Variants in KIF1B observed in about 807,000 individuals in gnomAD.
KIF1B encodes the protein kinesin-like protein KIF1B.
KIF1B carries 76 observed loss-of-function variants against 241.9 expected under a neutral mutation model. That is an observed-to-expected ratio of 0.31 (90% CI 0.26 to 0.38). The LOEUF is 0.38. Among genes scored for constraint, KIF1B ranks in the 10% least tolerant of loss-of-function variants. The probability of loss-of-function intolerance (pLI) is 1.00; values close to 1 mark genes in which losing one functional copy is unlikely to be tolerated. For missense variants in KIF1B, 1,622 were observed against 2,271.4 expected (o/e 0.71, Z 5.81); for synonymous variants, 750 against 796.7 (o/e 0.94, Z 0.99).
At chr1:10,319,274 G>A (rs547306380) in intron 22 of KIF1B, among the ~76,000 whole-genome samples, 1 of 152,072 alleles carries the variant, frequency 6.6e-6, no homozygotes, top group Admixed American at 6.5e-5. Context: ...GCTAATTTTT[G>A]TATTTTTAGT....
At chr1:10,291,056 C>G (rs1557692001) in intron 15 of KIF1B, 26 bp from the exon 16 acceptor site, 3 of 1,589,598 alleles carry the variant, frequency 1.9e-6, no homozygotes, top group Middle Eastern at 3.3e-4. Flanking sequence ...CTCTTTGCCT[C>G]TTTAACTGTG....
rs943896795 is a variant in KIF1B at position 10,210,622 on chromosome 1, C to G, written c.-336C>G. On this transcript the variant is annotated 5_prime_UTR_variant, in exon 1 of 49. Coordinates refer to ENST00000676179, the MANE Select transcript of KIF1B (RefSeq NM_001365951.3). This position sits in a 1 kb window ranked among gnomAD's most constrained non-coding sequence, Gnocchi z 4.1. Reference sequence around the variant, plus strand: ...GCCCGCGCGCGTCGGAGCAGCTCCCCGTCCTCCGCAGCCGTCACCGCCGGC... The same window carrying G: ...GCCCGCGCGCGTCGGAGCAGCTCCCGGTCCTCCGCAGCCGTCACCGCCGGC... Among the ~76,000 whole-genome samples the G allele has an allele frequency of 4.0e-5, 6 of 151,608 alleles. No individual in the cohort carries two copies. The highest frequency in any genetic ancestry group is 8.8e-5 in the Non-Finnish European group (6 of 67,810).
chr1:10,339,622 A>G, intron 31 of KIF1B, 147 bp from the exon 32 acceptor site: 1 of 717,422 alleles, frequency 1.4e-6, no homozygotes, highest in Non-Finnish European at 2.4e-6. Context: ...AATATGGAAA[A>G]GGTTCTTGAC....
rs1335290064 is a variant in KIF1B, at chr1:10,282,551, C to G, written c.1434+18C>G. The stretch of plus-strand genomic sequence containing the variant: ...GTTTAAAGGTAAGTAATAGTTCAGA[C>G]TGAATACAAGGTATTCTATGTAGCT... On this transcript the variant is annotated intron_variant, in intron 15 of 48. Coordinates refer to ENST00000676179, the MANE Select transcript of KIF1B (RefSeq NM_001365951.3). The G allele has an allele frequency of 6.3e-7, 1 of 1,590,132 alleles. No individual in the cohort carries two copies. Among genetic ancestry groups the G allele is most frequent in the Non-Finnish European group, 8.6e-7 (1 of 1,158,192 alleles).
chr1:10,270,462 A>G (rs1198518515), intron 7 of KIF1B, among the ~76,000 whole-genome samples: 1 of 152,216 alleles, frequency 6.6e-6, no homozygotes, highest in Non-Finnish European at 1.5e-5. Context: ...CAGATACACC[A>G]CAGTTTATTA....
At chr1:10,357,940 C>T (rs1461186637) in intron 38 of KIF1B, among the ~76,000 whole-genome samples, 24 of 150,636 alleles carry the variant, frequency 1.6e-4, no homozygotes, top group Non-Finnish European at 3.1e-4. Flanking sequence ...ACCCGGGAGG[C>T]GGAGGTTGCA....
chr1:10,306,215 G>A lies in KIF1B; in HGVS notation c.2115+8969G>A, dbSNP rs183427180. On this transcript the variant is annotated intron_variant, in intron 22 of 48. Coordinates refer to ENST00000676179, the MANE Select transcript of KIF1B (RefSeq NM_001365951.3). Reference sequence around the variant, plus strand: ...TATTTTTGCTTTCATAGCTAGAACAGTTGAAGTCTTCAACTGAGGTTTTAT... The same window carrying A: ...TATTTTTGCTTTCATAGCTAGAACAATTGAAGTCTTCAACTGAGGTTTTAT... 1.2e-5 allele frequency: 12 copies of A among 1,040,852 alleles called. No homozygotes were observed. The Admixed American group carries it at 4.5e-4, about 39-fold the overall frequency. The allele number at this position is 1,040,852 out of a possible 1,614,324, so 64.5% of individuals were successfully genotyped here. A position where few individuals can be genotyped will look rare whatever the true frequency, so the allele number is the denominator to read the frequency against.
chr1:10,268,485 A>G (rs992026460), intron 7 of KIF1B, among the ~76,000 whole-genome samples: 9 of 152,236 alleles, frequency 5.9e-5, no homozygotes, highest in African/African-American at 2.2e-4. Flanking sequence ...AGGGTTAAGA[A>G]AAAAACAATC....
intron 31 of KIF1B, among the ~76,000 whole-genome samples, chr1:10,338,059 T>A (rs1652248164): frequency 6.6e-6 from 1 of 152,194 alleles, no homozygotes. Context: ...TCTCAAACCC[T>A]GTGCTCTGGA....
intron 4 of KIF1B, among the ~76,000 whole-genome samples, chr1:10,259,806 A>AT (rs901498798): frequency 4.7e-5 from 7 of 148,624 alleles, no homozygotes; most frequent in East Asian, 3.9e-4. Context: ...GGCCTTTAAA[A>AT]TTTTTTTTTT....
chr1:10,311,515 AT>A (rs1002126861), intron 22 of KIF1B, among the ~76,000 whole-genome samples: 1 of 150,664 alleles, frequency 6.6e-6, no homozygotes, highest in Admixed American at 6.6e-5. Context: ...TCCAGGCCCC[AT>A]TTTTTCTTTT....
chr1:10,278,377 T>A (rs1222830513), intron 13 of KIF1B, among the ~76,000 whole-genome samples: 1 of 152,208 alleles, frequency 6.6e-6, no homozygotes, highest in South Asian at 2.1e-4. Flanking sequence ...ATCGCAAATA[T>A]GTCACTAGTA....
Position 10,256,194 on chromosome 1 carries a change from C to T in KIF1B, c.107-53C>T, listed in dbSNP as rs572002412. The T allele has an allele frequency of 2.2e-5, 24 of 1,108,322 alleles. 1 individual carries two copies. The South Asian group carries it at 2.2e-4, about 10-fold the overall frequency. The allele number at this position is 1,108,322 out of a possible 1,614,324, so 68.7% of individuals were successfully genotyped here. A position where few individuals can be genotyped will look rare whatever the true frequency, so the allele number is the denominator to read the frequency against. ...TGAACACACAGAATAACATGTTTAACTAAAGAACTTGTAATTGAGTGACTT... is the reference window on the plus strand; with the variant it reads ...TGAACACACAGAATAACATGTTTAATTAAAGAACTTGTAATTGAGTGACTT... On this transcript the variant is annotated intron_variant, in intron 2 of 48. Coordinates refer to ENST00000676179, the MANE Select transcript of KIF1B (RefSeq NM_001365951.3).
At chr1:10,229,867 CA>C (rs58923572) in intron 1 of KIF1B, among the ~76,000 whole-genome samples, 1,160 of 56,390 alleles carry the variant, frequency 0.021, 1 homozygote, top group African/African-American at 0.099. Flanking sequence ...GACTCCGTCT[CA>C]AAAAAAAAAA....
intron 41 of KIF1B, among the ~76,000 whole-genome samples, chr1:10,364,726 G>T (rs1339350409): frequency 1.3e-5 from 2 of 151,980 alleles, no homozygotes; most frequent in Non-Finnish European, 2.9e-5. Flanking sequence ...TTAATTCGTG[G>T]CCAGGCGCGG....
chr1:10,275,641 A>G (rs1649059091), intron 11 of KIF1B, 138 bp downstream of exon 11: 2 of 716,460 alleles, frequency 2.8e-6, no homozygotes, highest in Non-Finnish European at 2.5e-6. Flanking sequence ...GCCTGCTTTC[A>G]TTTTTACTCC....
intron 14 of KIF1B, among the ~76,000 whole-genome samples, chr1:10,279,926 C>A (rs1359516952): frequency 6.6e-6 from 1 of 152,000 alleles, no homozygotes; most frequent in Non-Finnish European, 1.5e-5. Flanking sequence ...TGGTCTGGAA[C>A]CCCTGACCTC....
chr1:10,324,681 A>G, intron 25 of KIF1B, 77 bp from the exon 26 acceptor site: 4 of 1,528,290 alleles, frequency 2.6e-6, no homozygotes, highest in Non-Finnish European at 3.6e-6. Context: ...AAAATCTTGA[A>G]CGGAAGATGC....
intron 22 of KIF1B, among the ~76,000 whole-genome samples, chr1:10,312,401 A>C (rs978497245): frequency 6.6e-6 from 1 of 151,334 alleles, no homozygotes; most frequent in African/African-American, 2.5e-5. Flanking sequence ...CATTCTTCTT[A>C]TTTCCATAGT....
Sources: gnomAD v4.1 joint callset for allele counts (sites outside exome capture counted in the v4.1 genomes callset) on GRCh38, gnomAD v4.1.1 for gene constraint, Gnocchi (gnomAD v3.1) non-coding constraint, MANE v1.5 for transcripts, NCBI Gene and HGNC (gene_info 2026-07-23, HGNC 2026-07-21) for gene names.